ADAMTS12: variants seen among roughly 807,000 people sequenced by gnomAD.
ADAMTS12 encodes the protein ADAM metallopeptidase with thrombospondin type 1 motif 12, also known as A disintegrin and metalloproteinase with thrombospondin motifs 12.
ADAMTS12 carries 118 observed loss-of-function variants against 167.8 expected under a neutral mutation model. That is an observed-to-expected ratio of 0.70 (90% CI 0.61 to 0.82). ADAMTS12 has a LOEUF of 0.82. Ranked by LOEUF, ADAMTS12 falls within the 40% of genes least tolerant of loss-of-function variation. The pLI is 0.00. For synonymous variants in ADAMTS12, 704 were observed against 716.9 expected, an observed-to-expected ratio of 0.98 and a Z score of 0.29; for missense variants, 1,916 against 1,998.8, an observed-to-expected ratio of 0.96 and a Z score of 0.79.
At chr5:33,795,687 A>G (rs941906677) in intron 2 of ADAMTS12, among the ~76,000 whole-genome samples, 2 of 152,130 alleles carry the variant, frequency 1.3e-5, no homozygotes, top group African/African-American at 4.8e-5. Flanking sequence ...TGTGGGAGCC[A>G]TTCTTCGTCT....
rs570977415 is a variant in ADAMTS12 at position 33,778,128 on chromosome 5, G to A, written c.490-26580C>T. The stretch of plus-strand genomic sequence containing the variant: ...GCAATCTACAGATTCTATGTAATCC[G>A]TATCAAAATTCCAATGGCATTTTTC... On this transcript the variant is annotated intron_variant, in intron 2 of 23. Coordinates refer to ENST00000504830, the MANE Select transcript of ADAMTS12 (RefSeq NM_030955.4). Among the ~76,000 whole-genome samples, 49 of 152,040 alleles carry A rather than the reference G, an allele frequency of 3.2e-4. 1 individual carries two copies. In the South Asian group the frequency reaches 5.6e-3, roughly 17 times the overall value.
intron 22 of ADAMTS12, 21 bp downstream of exon 22, chr5:33,546,038 G>C (rs566780049): frequency 2.5e-6 from 4 of 1,576,106 alleles, no homozygotes; most frequent in Non-Finnish European, 3.4e-6. Flanking sequence ...AGTAAAAAAA[G>C]TATGTATAAC....
At chr5:33,810,948 C>T (rs2112486888) in intron 2 of ADAMTS12, among the ~76,000 whole-genome samples, 1 of 152,326 alleles carries the variant, frequency 6.6e-6, no homozygotes, top group South Asian at 2.1e-4. Context: ...TTGCTGGGTT[C>T]TCTCCAGTGT....
intron 21 of ADAMTS12, among the ~76,000 whole-genome samples, chr5:33,548,932 C>T (rs1236002011): frequency 6.6e-6 from 1 of 152,186 alleles, no homozygotes; most frequent in Non-Finnish European, 1.5e-5. Context: ...GACACCAATT[C>T]CCCAGTATAT....
chr5:33,682,412 C>A (rs1194464764), intron 5 of ADAMTS12, among the ~76,000 whole-genome samples: 1 of 152,112 alleles, frequency 6.6e-6, no homozygotes, highest in Non-Finnish European at 1.5e-5. Flanking sequence ...GCCTGAAGCC[C>A]AAGGAAGAGG....
chr5:33,596,668 C>A (rs1055804287), intron 16 of ADAMTS12, among the ~76,000 whole-genome samples: 1 of 152,044 alleles, frequency 6.6e-6, no homozygotes, highest in African/African-American at 2.4e-5. Flanking sequence ...GGCAACAGAG[C>A]GAGACTCTGT....
At chr5:33,589,185 G>A (rs1747518730) in intron 17 of ADAMTS12, among the ~76,000 whole-genome samples, 1 of 152,144 alleles carries the variant, frequency 6.6e-6, no homozygotes, top group Non-Finnish European at 1.5e-5. Flanking sequence ...TATGAGTGTT[G>A]TGTTGTACAT....
At chr5:33,877,730 A>G (rs1028654685) in intron 2 of ADAMTS12, among the ~76,000 whole-genome samples, 2 of 152,152 alleles carry the variant, frequency 1.3e-5, no homozygotes, top group Non-Finnish European at 2.9e-5. Context: ...GAACCATGCT[A>G]GAGTATATTA....
At chr5:33,684,145 T>A in intron 3 of ADAMTS12, 90 bp from the exon 4 acceptor site, 1 of 975,258 alleles carries the variant, frequency 1.0e-6, no homozygotes, top group Non-Finnish European at 1.3e-6. Context: ...GCCATAAGTT[T>A]AATTTACATT....
chr5:33,858,504 A>T (rs982127497), intron 2 of ADAMTS12, among the ~76,000 whole-genome samples: 2 of 152,156 alleles, frequency 1.3e-5, no homozygotes, highest in African/African-American at 4.8e-5. Context: ...AAAAGATTTT[A>T]AAAATTAGCC....
At chr5:33,860,449 G>C (rs1037287640) in intron 2 of ADAMTS12, among the ~76,000 whole-genome samples, 2 of 152,058 alleles carry the variant, frequency 1.3e-5, no homozygotes, top group African/African-American at 4.8e-5. Context: ...AAAGTGTGAA[G>C]ACAAGATGAG....
At chr5:33,590,669 G>A (rs569293641) in intron 17 of ADAMTS12, among the ~76,000 whole-genome samples, 1 of 152,278 alleles carries the variant, frequency 6.6e-6, no homozygotes, top group African/African-American at 2.4e-5. Context: ...TATAGAGAAA[G>A]GGTCTTGCTT....
At chr5:33,786,264 A>C (rs566106377) in intron 2 of ADAMTS12, among the ~76,000 whole-genome samples, 1 of 152,346 alleles carries the variant, frequency 6.6e-6, no homozygotes, top group East Asian at 1.9e-4. Flanking sequence ...ACTAAAAATC[A>C]TTGAACTGTG....
chr5:33,836,927 T>TC (rs34263778), intron 2 of ADAMTS12, among the ~76,000 whole-genome samples: 14,402 of 151,916 alleles, frequency 0.095, 1,273 homozygotes, highest in East Asian at 0.36. Flanking sequence ...TTTTTTTTTT[T>TC]CTTTACAGGC....
chr5:33,602,701 C>G (rs1456743487), intron 16 of ADAMTS12, among the ~76,000 whole-genome samples: 1 of 152,196 alleles, frequency 6.6e-6, no homozygotes, highest in Non-Finnish European at 1.5e-5. Context: ...TTATGAATCT[C>G]GTGCTTTACC....
intron 9 of ADAMTS12, 134 bp from the exon 10 acceptor site, chr5:33,643,604 AAAGCAATCATTAGAGTTTTCAGTTC>A: frequency 1.3e-6 from 1 of 749,936 alleles, no homozygotes; most frequent in Non-Finnish European, 2.2e-6. Context: ...AGAGTGACAG[AAAGCAATCATTAGAGTTTTCAGTTC>A]AAGCTTAACT....
chr5:33,799,294 C>T (rs1746902754), intron 2 of ADAMTS12, among the ~76,000 whole-genome samples: 1 of 152,166 alleles, frequency 6.6e-6, no homozygotes, highest in Non-Finnish European at 1.5e-5. Context: ...CAAATAAAAT[C>T]CCAACCTTCT....
At chr5:33,530,682 G>A (rs547730702) in intron 23 of ADAMTS12, among the ~76,000 whole-genome samples, 1 of 152,278 alleles carries the variant, frequency 6.6e-6, no homozygotes, top group South Asian at 2.1e-4. Context: ...TGACCCACAT[G>A]AGTCCCCTCT....
intron 2 of ADAMTS12, among the ~76,000 whole-genome samples, chr5:33,779,996 A>T (rs969155977): frequency 3.2e-4 from 49 of 152,208 alleles, no homozygotes; most frequent in Non-Finnish European, 6.5e-4. Flanking sequence ...TTTTTACTAC[A>T]AAAAATGATA....
Sources: gnomAD v4.1 joint callset for allele counts (sites outside exome capture counted in the v4.1 genomes callset) on GRCh38, gnomAD v4.1.1 for gene constraint, MANE v1.5 for transcripts, NCBI Gene and HGNC (gene_info 2026-07-23, HGNC 2026-07-21) for gene names.